NMRAL1: variants seen among roughly 807,000 people sequenced by gnomAD.
NMRAL1 encodes the protein NmrA like redox sensor 1.
In NMRAL1, 32 loss-of-function variants were observed where a neutral mutation model predicts 27.5. That is an observed-to-expected ratio of 1.16 (90% CI 0.88 to 1.56). The LOEUF (loss-of-function observed/expected upper bound fraction) is 1.56, where lower values mean the gene tolerates loss of function less well. Ranked by LOEUF, NMRAL1 falls within the 40% of genes most tolerant of loss-of-function variation. The pLI, the probability that NMRAL1 is intolerant of heterozygous loss-of-function variation, is 0.00. For synonymous variants in NMRAL1, 166 were observed against 166.8 expected, an observed-to-expected ratio of 1.00 and a Z score of 0.04; for missense variants, 420 against 392.0, an observed-to-expected ratio of 1.07 and a Z score of -0.60.
intron 3 of NMRAL1, among the ~76,000 whole-genome samples, chr16:4,468,615 C>CAAAAAA (rs59245472): frequency 5.5e-5 from 7 of 128,258 alleles, no homozygotes; most frequent in African/African-American, 2.2e-4. Flanking sequence ...GACTCAGTCT[C>CAAAAAA]AAAAAAAAAA....
At chr16:4,471,640 A>G (rs1026543496) in intron 2 of NMRAL1, among the ~76,000 whole-genome samples, 2 of 150,014 alleles carry the variant, frequency 1.3e-5, no homozygotes, top group Non-Finnish European at 3.0e-5. Flanking sequence ...AAAAAAAAAA[A>G]TTCTTTATTA....
intron 5 of NMRAL1, 32 bp downstream of exon 5, chr16:4,463,628 G>A: frequency 6.2e-7 from 1 of 1,607,946 alleles, no homozygotes; most frequent in Non-Finnish European, 8.5e-7. Flanking sequence ...CCCTGACAAG[G>A]ATGCCTGAGT....
intron 2 of NMRAL1, among the ~76,000 whole-genome samples, chr16:4,470,767 G>A (rs910551855): frequency 6.6e-6 from 1 of 151,686 alleles, no homozygotes; most frequent in Non-Finnish European, 1.5e-5. Flanking sequence ...CTAACACGGT[G>A]AAACCCTGTC....
At chr16:4,474,233 AC>A in intron 1 of NMRAL1, 67 bp from the exon 2 acceptor site, 1 of 1,185,932 alleles carries the variant, frequency 8.4e-7, no homozygotes, top group Non-Finnish European at 1.2e-6. Flanking sequence ...GACAAAGGAC[AC>A]CCCCATTGTC....
At chr16:4,467,662 C>G (rs1185432325) in intron 3 of NMRAL1, among the ~76,000 whole-genome samples, 1 of 151,870 alleles carries the variant, frequency 6.6e-6, no homozygotes, top group African/African-American at 2.4e-5. Context: ...CTCTGTCGCT[C>G]AGGCCGGAGT....
intron 2 of NMRAL1, among the ~76,000 whole-genome samples, chr16:4,470,161 C>CAAA (rs34104543): frequency 4.1e-4 from 21 of 51,450 alleles, no homozygotes; most frequent in East Asian, 3.2e-3. Flanking sequence ...GATTCCCTCT[C>CAAA]AAAAAAAAAA....
At chr16:4,466,778 A>C (rs1057114445) in intron 3 of NMRAL1, 20 of 246,562 alleles carry the variant, frequency 8.1e-5, no homozygotes, top group Non-Finnish European at 1.6e-4. Flanking sequence ...CTGGGAGGCT[A>C]TACAGAGGCA....
At chr16:4,471,297 G>GCGCT (rs2057554970) in intron 2 of NMRAL1, 1 of 152,008 alleles carries the variant, frequency 6.6e-6, no homozygotes, top group Admixed American at 6.6e-5. Flanking sequence ...ACAGGCATGC[G>GCGCT]CATCGGTCAG....
rs550811121 is a variant in NMRAL1 at position 4,463,264 on chromosome 16, C to T, written c.720+396G>A. Among the ~76,000 whole-genome samples the T allele has an allele frequency of 2.6e-5, 4 of 152,280 alleles. No homozygotes were observed. The East Asian group carries it at 7.7e-4, about 29-fold the overall frequency. On this transcript the variant is annotated intron_variant, in intron 5 of 5. Transcript: ENST00000283429. Reference sequence around the variant, plus strand: ...AGGCCTCCTGCCCACCCAGCCAGGCCAATGGGGGCAGGGGTCGGCCCTATC... The same window carrying T: ...AGGCCTCCTGCCCACCCAGCCAGGCTAATGGGGGCAGGGGTCGGCCCTATC...
rs767197309 is a variant in NMRAL1 at position 4,466,358 on chromosome 16, A to G, written c.324T>C (p.Tyr108=). ...ADLARRLGLH[Y]VVYSGLENIK... is the part of the protein sequence containing the mutation. ...TGTTCTCCAGGCCGCTGTAGACCAC[A>G]TAGTGGAGGCCCAGGCGCCTGGCCA... is the stretch of plus-strand genomic sequence containing the variant. The change falls in exon 4 of 6, where the codon TAT becomes TAC. Residue 108 remains tyrosine (Y), a synonymous_variant. Transcript: ENST00000283429. 34 of 1,613,352 alleles carry G rather than the reference A, an allele frequency of 2.1e-5. No individual in the cohort carries two copies. The highest frequency in any genetic ancestry group is 2.9e-5 in the Non-Finnish European group (34 of 1,180,002).
chr16:4,466,067 C>T (rs2057310713), intron 4 of NMRAL1, 86 bp downstream of exon 4: 1 of 1,529,882 alleles, frequency 6.5e-7, no homozygotes, highest in East Asian at 2.3e-5. Flanking sequence ...AACCTGGCAC[C>T]ACGTGACAGC....
rs775753695 is a variant in NMRAL1, at chr16:4,464,611, GTT to G, written c.530-763_530-762del. 5.2e-4 allele frequency among the ~76,000 whole-genome samples: 69 copies of G among 133,048 alleles called. 1 individual carries two copies. Among genetic ancestry groups the G allele is most frequent in the African/African-American group, 1.8e-3 (57 of 32,140 alleles). The allele number at this position is 133,048 out of a possible 152,430, so 87.3% of individuals were successfully genotyped here. A position where few individuals can be genotyped will look rare whatever the true frequency, so the allele number is the denominator to read the frequency against. On this transcript the variant is annotated intron_variant, in intron 4 of 5. Coordinates refer to ENST00000283429, the MANE Select transcript of NMRAL1 (RefSeq NM_020677.6). ...GAGCAGGAGATATCCCTGACTGCAG[GTT>G]TTTTTTTTTTTTTTTTTTTGAGATG...
At chr16:4,464,815 C>T (rs768328521) in intron 4 of NMRAL1, among the ~76,000 whole-genome samples, 5 of 151,808 alleles carry the variant, frequency 3.3e-5, no homozygotes, top group African/African-American at 7.3e-5. Flanking sequence ...AGGGGTTTCA[C>T]CAAGTTAGCC....
At chr16:4,466,083 G>A (rs1050668877) in intron 4 of NMRAL1, 70 bp downstream of exon 4, 26 of 1,582,186 alleles carry the variant, frequency 1.6e-5, no homozygotes, top group African/African-American at 1.5e-4. Context: ...ACAGCGGCCC[G>A]CGGTCTGTTA....
chr16:4,472,077 A>G (rs74983298), intron 2 of NMRAL1, among the ~76,000 whole-genome samples: 2 of 152,024 alleles, frequency 1.3e-5, no homozygotes, highest in African/African-American at 4.8e-5. Flanking sequence ...CCTGACTCAG[A>G]AAAAAGTGTA....
chr16:4,466,612 C>T (rs1356887932), intron 3 of NMRAL1: 8 of 583,244 alleles, frequency 1.4e-5, no homozygotes, highest in Admixed American at 9.0e-5. Context: ...CTACCAGCCA[C>T]TGACTCTGGC....
rs199727495 is a variant in NMRAL1 at position 4,474,160 on chromosome 16, C to G, written c.-28G>C. 5.5e-5 allele frequency: 89 copies of G among 1,607,264 alleles called. No homozygotes were observed. Among genetic ancestry groups the G allele is most frequent in the Non-Finnish European group, 7.1e-5 (84 of 1,176,072 alleles). On this transcript the variant is annotated 5_prime_UTR_variant, in exon 2 of 6. Coordinates refer to ENST00000283429, the MANE Select transcript of NMRAL1 (RefSeq NM_020677.6). ...GGACGAGAATGGGACGAATCCGGTCCAGAGATCTGGGGGTAATGGGAGGCG... is the reference window on the plus strand; with the variant it reads ...GGACGAGAATGGGACGAATCCGGTCGAGAGATCTGGGGGTAATGGGAGGCG...
At chr16:4,475,523 G>A (rs975983053), upstream of NMRAL1, among the ~76,000 whole-genome samples, 2 of 151,624 alleles carry the variant, frequency 1.3e-5, no homozygotes, top group African/African-American at 4.8e-5. Flanking sequence ...TGCTGGCCAG[G>A]CTGGTCTCGA....
intron 2 of NMRAL1, 34 bp downstream of exon 2, chr16:4,474,059 C>G: frequency 1.9e-6 from 3 of 1,583,142 alleles, no homozygotes; most frequent in Non-Finnish European, 2.6e-6. Flanking sequence ...GGCGCCCTGG[C>G]TCTGCAAGGG....
Sources: gnomAD v4.1 joint callset for allele counts (sites outside exome capture counted in the v4.1 genomes callset) on GRCh38, gnomAD v4.1.1 for gene constraint, MANE v1.5 for transcripts, NCBI Gene and HGNC (gene_info 2026-07-23, HGNC 2026-07-21) for gene names.